CDH13: variants seen among roughly 807,000 people sequenced by gnomAD.
The protein encoded by CDH13 is cadherin 13.
A neutral mutation model predicts 63.8 loss-of-function variants in CDH13; 24 were observed. That is an observed-to-expected ratio of 0.38 (90% CI 0.27 to 0.53). The LOEUF is 0.53. Ranked by LOEUF, CDH13 falls within the 20% of genes least tolerant of loss-of-function variation. CDH13 has a pLI of 0.85. For synonymous variants in CDH13, 503 were observed against 355.3 expected (o/e 1.42, Z -4.67); for missense variants, 1,049 against 903.1 (o/e 1.16, Z -2.07).
At chr16:83,260,685 C>A (rs1255487176) in intron 5 of CDH13, among the ~76,000 whole-genome samples, 1 of 152,108 alleles carries the variant, frequency 6.6e-6, no homozygotes, top group Admixed American at 6.5e-5. Flanking sequence ...AAAGTTGGAA[C>A]CTTGTGTTTC....
At chr16:82,862,025 C>A (rs1170053916) in intron 2 of CDH13, among the ~76,000 whole-genome samples, 1 of 152,160 alleles carries the variant, frequency 6.6e-6, no homozygotes, top group Non-Finnish European at 1.5e-5. Flanking sequence ...AGAAGGCAAC[C>A]ACTCAGAAAG....
chr16:83,370,387 C>CAAAA (rs760385414), intron 6 of CDH13, among the ~76,000 whole-genome samples: 1 of 104,582 alleles, frequency 9.6e-6, no homozygotes, highest in Admixed American at 1.0e-4. Context: ...GACTCCATTT[C>CAAAA]AAAAAAAAAA....
intron 5 of CDH13, among the ~76,000 whole-genome samples, chr16:83,277,887 G>C (rs968798296): frequency 6.6e-6 from 1 of 152,088 alleles, no homozygotes; most frequent in African/African-American, 2.4e-5. Context: ...AATTTGAGAA[G>C]TTTGTTTGCT....
At chr16:83,196,525 C>G (rs78473733) in intron 4 of CDH13, among the ~76,000 whole-genome samples, 1,617 of 152,138 alleles carry the variant, frequency 0.011, 17 homozygotes, top group Middle Eastern at 0.031. Flanking sequence ...AAAATACTTA[C>G]AAACCACATA....
At chr16:83,247,496 C>T (rs1373812398) in intron 5 of CDH13, among the ~76,000 whole-genome samples, 2 of 150,064 alleles carry the variant, frequency 1.3e-5, no homozygotes, top group Admixed American at 6.7e-5. Context: ...GCTGTCACCA[C>T]TTTTTTTTTA....
intron 6 of CDH13, among the ~76,000 whole-genome samples, chr16:83,486,176 C>T (rs762381238): frequency 5.3e-5 from 8 of 151,534 alleles, no homozygotes; most frequent in Non-Finnish European, 1.0e-4. Flanking sequence ...AAGCCACATC[C>T]ACAGTGGAAT....
chr16:82,694,430 A>G (rs2030008739), intron 1 of CDH13, among the ~76,000 whole-genome samples: 1 of 152,184 alleles, frequency 6.6e-6, no homozygotes, highest in Admixed American at 6.5e-5. Flanking sequence ...CAATATTCAT[A>G]TTCTTCTTGG....
At chr16:83,782,324 G>A (rs554715296) in intron 12 of CDH13, among the ~76,000 whole-genome samples, 2 of 152,116 alleles carry the variant, frequency 1.3e-5, no homozygotes, top group Non-Finnish European at 2.9e-5. Context: ...CCTGGGTGAT[G>A]GTGGCTATTG....
intron 1 of CDH13, among the ~76,000 whole-genome samples, chr16:82,722,811 A>G (rs1396230999): frequency 1.3e-5 from 2 of 152,164 alleles, no homozygotes; most frequent in South Asian, 2.1e-4. Context: ...AGATACATAC[A>G]TATAAGCCTT....
At chr16:83,633,779 T>A (rs1193908478) in intron 8 of CDH13, among the ~76,000 whole-genome samples, 1 of 152,172 alleles carries the variant, frequency 6.6e-6, no homozygotes, top group Non-Finnish European at 1.5e-5. Context: ...TCTGGGCCTG[T>A]ACAGTCTGTG....
At chr16:83,713,678 A>G (rs72797279) in intron 10 of CDH13, among the ~76,000 whole-genome samples, 3,591 of 152,276 alleles carry the variant, frequency 0.024, 67 homozygotes, top group Non-Finnish European at 0.037. Flanking sequence ...TGTATCTCAC[A>G]TAACTGGGAG....
rs116427077 is a variant in CDH13 at position 83,571,313 on chromosome 16, G to A, written c.961-31141G>A. On this transcript the variant is annotated intron_variant, in intron 7 of 13. Transcript: ENST00000567109. The stretch of plus-strand genomic sequence containing the variant: ...TGAGGGACAGTGAGAACAGGTAGCT[G>A]ATAGAAATACAATTGACAGTTGCAT... 3.6e-3 allele frequency among the ~76,000 whole-genome samples: 543 copies of A among 152,168 alleles called. 4 individuals are homozygous for A. Among genetic ancestry groups the A allele is most frequent in the African/African-American group, 0.012 (509 of 41,524 alleles).
At chr16:82,814,576 A>T in intron 1 of CDH13, among the ~76,000 whole-genome samples, 1 of 152,194 alleles carries the variant, frequency 6.6e-6, no homozygotes, top group Non-Finnish European at 1.5e-5. Context: ...CACAGAGGGC[A>T]TGGAAGCTCT....
intron 2 of CDH13, among the ~76,000 whole-genome samples, chr16:82,874,507 C>T (rs755219202): frequency 7.9e-5 from 12 of 151,748 alleles, no homozygotes; most frequent in African/African-American, 1.9e-4. Flanking sequence ...GAAGCCAAAA[C>T]GATTGTCAGC....
intron 11 of CDH13, among the ~76,000 whole-genome samples, chr16:83,762,508 C>A (rs1309136944): frequency 6.6e-6 from 1 of 152,150 alleles, no homozygotes; most frequent in Non-Finnish European, 1.5e-5. Flanking sequence ...TAGCACTGGC[C>A]AAATCCCAGT....
rs536792791 is a variant in CDH13, at chr16:83,650,698, A to G, written c.1102-20092A>G. Among the ~76,000 whole-genome samples, 29 of 152,278 alleles carry G rather than the reference A, an allele frequency of 1.9e-4. No homozygotes were observed. The East Asian group carries it at 1.9e-3, about 10-fold the overall frequency. On this transcript the variant is annotated intron_variant, in intron 8 of 13. Coordinates refer to ENST00000567109, the MANE Select transcript of CDH13 (RefSeq NM_001257.5). Reference sequence around the variant, plus strand: ...CAGGGCAGCCCCCACCCAATGAACAATTATCCATCCCAGAATGTCATTAGT... The same window carrying G: ...CAGGGCAGCCCCCACCCAATGAACAGTTATCCATCCCAGAATGTCATTAGT...
intron 6 of CDH13, among the ~76,000 whole-genome samples, chr16:83,411,757 T>G (rs1255305039): frequency 1.3e-5 from 2 of 152,166 alleles, no homozygotes; most frequent in Non-Finnish European, 2.9e-5. Context: ...AGCTAGTGGA[T>G]AGTGTGATGA....
chr16:82,955,130 T>C (rs1905876876), intron 2 of CDH13, among the ~76,000 whole-genome samples: 1 of 152,228 alleles, frequency 6.6e-6, no homozygotes. Flanking sequence ...TGCACCTACC[T>C]AGGATTAGAA....
rs191616489 is a variant in CDH13, at chr16:83,620,766, A to C, written c.1101+18172A>C. On this transcript the variant is annotated intron_variant, in intron 8 of 13. Coordinates refer to ENST00000567109, the MANE Select transcript of CDH13 (RefSeq NM_001257.5). ...AGGTCACTGGGAGCTACATGGTAAG[A>C]GTCTGGCCTCTGCATCTGCTTTTCC... Among the ~76,000 whole-genome samples, 527 of 152,284 alleles carry C rather than the reference A, an allele frequency of 3.5e-3. 1 individual carries two copies. Among genetic ancestry groups the C allele is most frequent in the Non-Finnish European group, 5.6e-3 (378 of 68,012 alleles).
Sources: gnomAD v4.1 joint callset for allele counts (sites outside exome capture counted in the v4.1 genomes callset) on GRCh38, gnomAD v4.1.1 for gene constraint, MANE v1.5 for transcripts, NCBI Gene and HGNC (gene_info 2026-07-23, HGNC 2026-07-21) for gene names.